Variants in TTC8 observed in about 807,000 individuals in gnomAD.
TTC8 encodes tetratricopeptide repeat protein 8.
In TTC8, 47 loss-of-function variants were observed where a neutral mutation model predicts 72.5. The observed-to-expected ratio is 0.65, with a 90% confidence interval of 0.51 to 0.83. The LOEUF (loss-of-function observed/expected upper bound fraction) is 0.83, where lower values mean the gene tolerates loss of function less well. Among genes scored for constraint, TTC8 ranks in the 40% least tolerant of loss-of-function variants. The pLI is 0.00. For missense variants in TTC8, 611 were observed against 623.2 expected (o/e 0.98, Z 0.21); for synonymous variants, 199 against 221.4 (o/e 0.90, Z 0.90).
intron 6 of TTC8, among the ~76,000 whole-genome samples, chr14:88,842,951 GT>G (rs71456665): frequency 0.35 from 52,028 of 146,932 alleles, 9,071 homozygotes; most frequent in East Asian, 0.49. Flanking sequence ...TTATAGGTTT[GT>G]TTTTTTTTTT....
At chr14:88,866,515 A>G (rs10151291) in intron 10 of TTC8, among the ~76,000 whole-genome samples, 51,372 of 151,744 alleles carry the variant, frequency 0.34, 8,972 homozygotes, top group Non-Finnish European at 0.39. Context: ...GTTTCCTTTC[A>G]GCCTACACAG....
At chr14:88,869,950 A>T in intron 10 of TTC8, 109 bp from the exon 11 acceptor site, 1 of 1,112,536 alleles carries the variant, frequency 9.0e-7, no homozygotes, top group Non-Finnish European at 1.3e-6. Context: ...GGCACATGGT[A>T]GCCTCTCAAT....
chr14:88,828,645 C>A (rs530410555), intron 1 of TTC8, among the ~76,000 whole-genome samples: 26 of 152,134 alleles, frequency 1.7e-4, no homozygotes, highest in Non-Finnish European at 3.2e-4. Flanking sequence ...TTAATAATGT[C>A]ATTTTTCACT....
chr14:88,872,650 AT>A (rs2094939710), intron 13 of TTC8, among the ~76,000 whole-genome samples, 198 bp downstream of exon 13: 1 of 152,138 alleles, frequency 6.6e-6, no homozygotes, highest in African/African-American at 2.4e-5. Context: ...CCAAAATAGA[AT>A]GTTTGATTTT....
intron 10 of TTC8, among the ~76,000 whole-genome samples, chr14:88,864,990 G>C (rs1367129723): frequency 6.6e-6 from 1 of 152,076 alleles, no homozygotes; most frequent in Admixed American, 6.6e-5. Context: ...CATTGTTGAA[G>C]ATATCTTTTA....
At chr14:88,827,265 GA>G (rs1566828440) in intron 1 of TTC8, among the ~76,000 whole-genome samples, 1 of 151,986 alleles carries the variant, frequency 6.6e-6, no homozygotes. Context: ...TCCCTTATCC[GA>G]AAAGCTTGTG....
chr14:88,871,738 T>G lies in TTC8; in HGVS notation c.1224+15T>G, dbSNP rs777976437. Reference sequence around the variant, plus strand: ...ATGTAGCTGTGGTATGTTGTCTTACTGATATAATTTCTGTTATAGAAAGTT... The same window carrying G: ...ATGTAGCTGTGGTATGTTGTCTTACGGATATAATTTCTGTTATAGAAAGTT... On this transcript the variant is annotated intron_variant, in intron 12 of 14. Transcript: ENST00000380656. This position sits in a 1 kb window ranked among gnomAD's most constrained non-coding sequence, Gnocchi z 4.1. The G allele has an allele frequency of 2.2e-5, 36 of 1,613,862 alleles. 1 individual carries two copies. In the South Asian group the frequency reaches 3.7e-4, roughly 17 times the overall value.
intron 7 of TTC8, among the ~76,000 whole-genome samples, chr14:88,850,292 A>G (rs1279793289): frequency 1.3e-5 from 2 of 152,200 alleles, no homozygotes; most frequent in East Asian, 3.8e-4. Context: ...CAGTCAACAG[A>G]TAGTTCTTGA....
chr14:88,855,966 T>TGGGATTAC (rs2094853963), intron 8 of TTC8, among the ~76,000 whole-genome samples: 1 of 152,158 alleles, frequency 6.6e-6, no homozygotes, highest in South Asian at 2.1e-4. Flanking sequence ...ATGTCAGTAA[T>TGGGATTAC]CCCAGCTACT....
intron 8 of TTC8, among the ~76,000 whole-genome samples, chr14:88,855,253 G>C (rs549290557): frequency 1.3e-5 from 2 of 152,186 alleles, no homozygotes; most frequent in Admixed American, 1.3e-4. Flanking sequence ...GATTATCATT[G>C]CTTTAAGGAC....
chr14:88,854,868 A>G (rs1317805021), intron 8 of TTC8, among the ~76,000 whole-genome samples: 4 of 151,948 alleles, frequency 2.6e-5, no homozygotes, highest in Admixed American at 1.3e-4. Flanking sequence ...TTTCTTTTTT[A>G]TAGAGACAGG....
At chr14:88,852,180 A>G (rs1296486832) in intron 7 of TTC8, among the ~76,000 whole-genome samples, 3 of 152,202 alleles carry the variant, frequency 2.0e-5, no homozygotes, top group Non-Finnish European at 4.4e-5. Context: ...TCAAATTTCT[A>G]CAAAGACTGA....
Position 88,871,416 on chromosome 14 carries a change from G to A in TTC8, c.1050-133G>A, listed in dbSNP as rs1011343692. 14 of 790,462 alleles carry A rather than the reference G, an allele frequency of 1.8e-5. No homozygotes were observed. Among genetic ancestry groups the A allele is most frequent in the African/African-American group, 3.5e-5 (2 of 57,026 alleles). The allele number at this position is 790,462 out of a possible 1,614,324, so 49.0% of individuals were successfully genotyped here. A position where few individuals can be genotyped will look rare whatever the true frequency, so the allele number is the denominator to read the frequency against. On this transcript the variant is annotated intron_variant, in intron 11 of 14. Transcript: ENST00000380656. This position sits in a 1 kb window ranked among gnomAD's most constrained non-coding sequence, Gnocchi z 4.1. ...AACATTTTTTCATTTACTATAACAC[G>A]TATTTATATTCTTAAGGAGTATCAA...
intron 7 of TTC8, among the ~76,000 whole-genome samples, chr14:88,852,486 C>G (rs572864631): frequency 6.6e-6 from 1 of 152,262 alleles, no homozygotes; most frequent in African/African-American, 2.4e-5. Context: ...TCCTTTCACT[C>G]TTCTTCATGA....
At chr14:88,839,800 G>A (rs951254563) in intron 3 of TTC8, among the ~76,000 whole-genome samples, 4 of 152,110 alleles carry the variant, frequency 2.6e-5, no homozygotes, top group African/African-American at 9.7e-5. Flanking sequence ...CTTAAGGTAT[G>A]AGATTGATGT....
At chr14:88,848,491 A>G (rs1045739799) in intron 7 of TTC8, among the ~76,000 whole-genome samples, 70 of 152,290 alleles carry the variant, frequency 4.6e-4, no homozygotes, top group African/African-American at 1.6e-3. Context: ...AGGAAAAACT[A>G]AAGTGCTGTA....
At chr14:88,877,250 T>A in intron 14 of TTC8, 44 bp from the exon 15 acceptor site, 1 of 1,466,954 alleles carries the variant, frequency 6.8e-7, no homozygotes, top group Non-Finnish European at 9.6e-7. Flanking sequence ...TTACTCATTT[T>A]TTTCTGATCT....
At chr14:88,831,302 T>C (rs74075883) in intron 1 of TTC8, among the ~76,000 whole-genome samples, 20,548 of 152,178 alleles carry the variant, frequency 0.14, 3,180 homozygotes, top group African/African-American at 0.35. Context: ...AATAACTTGT[T>C]CCCTAATTTG....
chr14:88,876,647 A>T (rs1271843848), intron 14 of TTC8, among the ~76,000 whole-genome samples: 1 of 152,190 alleles, frequency 6.6e-6, no homozygotes, highest in African/African-American at 2.4e-5. Context: ...AATAAAAAGG[A>T]TACATTCAGA....
Sources: allele counts gnomAD v4.1 joint callset (sites outside exome capture counted in the v4.1 genomes callset), GRCh38; gene constraint gnomAD v4.1.1; non-coding constraint Gnocchi (gnomAD v3.1); transcripts MANE v1.5; gene names NCBI Gene and HGNC (gene_info 2026-07-23, HGNC 2026-07-21).